RBKS: variants seen among roughly 807,000 people sequenced by gnomAD.
RBKS encodes the protein ribokinase.
Under a neutral mutation model 33.9 loss-of-function variants are expected in RBKS, and 33 were observed. The observed-to-expected ratio is 0.97, with a 90% confidence interval of 0.74 to 1.30. The LOEUF (loss-of-function observed/expected upper bound fraction) is 1.30, where lower values mean the gene tolerates loss of function less well. Ranked by LOEUF, RBKS falls within the 50% of genes most tolerant of loss-of-function variation. The pLI is 0.00. For synonymous variants in RBKS, 125 were observed against 143.0 expected (o/e 0.87, Z 0.90); for missense variants, 361 against 392.6 (o/e 0.92, Z 0.68).
chr2:27,819,064 T>C (rs543965216), intron 7 of RBKS, among the ~76,000 whole-genome samples: 8 of 152,338 alleles, frequency 5.3e-5, no homozygotes, highest in African/African-American at 1.9e-4. Flanking sequence ...CTGAAGCACA[T>C]TCACTTGATT....
At chr2:27,843,944 A>T (rs990994440) in intron 4 of RBKS, among the ~76,000 whole-genome samples, 1 of 152,182 alleles carries the variant, frequency 6.6e-6, no homozygotes, top group Non-Finnish European at 1.5e-5. Flanking sequence ...CGAGCCACAC[A>T]TGGCCATTGA....
chr2:27,792,295 T>G (rs1677545410), intron 7 of RBKS, among the ~76,000 whole-genome samples: 2 of 152,254 alleles, frequency 1.3e-5, no homozygotes, highest in Non-Finnish European at 2.9e-5. Flanking sequence ...CACCACTTAC[T>G]AGCTTTATGA....
intron 7 of RBKS, among the ~76,000 whole-genome samples, chr2:27,821,882 AT>A (rs764165990): frequency 2.6e-5 from 4 of 152,166 alleles, no homozygotes; most frequent in Non-Finnish European, 4.4e-5. Flanking sequence ...AAACCATATT[AT>A]TTTACCCACC....
Position 27,890,026 on chromosome 2 carries a change from C to T in RBKS, c.89+231G>A. On this transcript the variant is annotated intron_variant, in intron 1 of 7. Coordinates refer to ENST00000302188, the MANE Select transcript of RBKS (RefSeq NM_022128.3). The surrounding 1 kb of genome is among the most constrained non-coding windows in gnomAD (Gnocchi z 4.8). ...GGGAGCGCTTTGAGTAATATTAGAG[C>T]TTTCACTAAACCCTGGCCTATTACG... 1 of 468,814 alleles carries T rather than the reference C, an allele frequency of 2.1e-6. No homozygotes were observed. The highest frequency in any genetic ancestry group is 3.8e-6 in the Non-Finnish European group (1 of 260,830). 29.0% of individuals were successfully genotyped at this position (468,814 alleles called of 1,614,324 possible).
Position 27,789,036 on chromosome 2 carries a change from A to G in RBKS, c.796-7248T>C, listed in dbSNP as rs77089549. On this transcript the variant is annotated intron_variant, in intron 7 of 7. Transcript: ENST00000302188. ...AAATGGAAATGACCTAGAATAGCCA[A>G]AACAGTTTTGAAAAAGAACAAAGTT... Among the ~76,000 whole-genome samples, 573 of 152,320 alleles carry G rather than the reference A, an allele frequency of 3.8e-3. 3 individuals carry two copies. Among genetic ancestry groups the G allele is most frequent in the African/African-American group, 0.013 (542 of 41,560 alleles).
intron 5 of RBKS, among the ~76,000 whole-genome samples, chr2:27,834,776 A>C (rs980476694): frequency 3.3e-5 from 5 of 152,224 alleles, no homozygotes; most frequent in Admixed American, 2.6e-4. Context: ...ATTAGAGCAA[A>C]GCTACAAGTG....
chr2:27,794,446 CTCTT>C (rs1677601249), intron 7 of RBKS, among the ~76,000 whole-genome samples: 1 of 151,476 alleles, frequency 6.6e-6, no homozygotes, highest in South Asian at 2.1e-4. Context: ...AATGATTTCT[CTCTT>C]TCTTTTTAAT....
At chr2:27,823,822 GGA>G (rs1364626210) in intron 7 of RBKS, among the ~76,000 whole-genome samples, 1 of 152,172 alleles carries the variant, frequency 6.6e-6, no homozygotes, top group Non-Finnish European at 1.5e-5. Context: ...GCAATTCAGT[GGA>G]GAGTCTTTAT....
intron 7 of RBKS, chr2:27,809,587 T>C (rs141161867): frequency 6.7e-5 from 13 of 193,532 alleles, no homozygotes; most frequent in Middle Eastern, 2.3e-3. Context: ...CTTTTGCCTT[T>C]TGTGGTCAGC....
chr2:27,859,536 T>G (rs768182882), intron 1 of RBKS, among the ~76,000 whole-genome samples: 3 of 152,104 alleles, frequency 2.0e-5, no homozygotes, highest in Admixed American at 1.3e-4. Context: ...AATAAAATAT[T>G]TGAAGGATGG....
intron 7 of RBKS, among the ~76,000 whole-genome samples, chr2:27,789,949 G>GTATATATATATATATATATATGTGTATA (rs1677484796): frequency 1.2e-4 from 14 of 121,512 alleles, no homozygotes; most frequent in African/African-American, 3.3e-4. Context: ...ATGTATATGT[G>GTATATATATATATATATATATGTGTATA]TATATATATA....
chr2:27,813,281 G>GAGTA lies in RBKS; in HGVS notation c.795+14282_795+14285dup, dbSNP rs546021310. 1.9e-3 allele frequency among the ~76,000 whole-genome samples: 283 copies of GAGTA among 152,250 alleles called. 1 individual carries two copies. The highest frequency in any genetic ancestry group is 6.6e-3 in the African/African-American group (274 of 41,550). On this transcript the variant is annotated intron_variant, in intron 7 of 7. Coordinates refer to ENST00000302188, the MANE Select transcript of RBKS (RefSeq NM_022128.3). The stretch of plus-strand genomic sequence containing the variant: ...ATGTGACAAAACAATCTACCATGAA[G>GAGTA]AGTAAGCAGTTAGACATGAAATTAG...
intron 1 of RBKS, among the ~76,000 whole-genome samples, chr2:27,875,889 T>C (rs1413816283): frequency 6.6e-6 from 1 of 151,938 alleles, no homozygotes; most frequent in Non-Finnish European, 1.5e-5. Context: ...TACATACATA[T>C]GGGGATGCAA....
chr2:27,789,923 G>GTATATATATATA (rs1677480219), intron 7 of RBKS, among the ~76,000 whole-genome samples: 7 of 128,074 alleles, frequency 5.5e-5, no homozygotes, highest in African/African-American at 2.0e-4. Flanking sequence ...GTGTTTGTGT[G>GTATATATATATA]TGTATATATA....
intron 7 of RBKS, among the ~76,000 whole-genome samples, chr2:27,790,701 CA>C (rs1051144325): frequency 6.6e-6 from 1 of 152,026 alleles, no homozygotes; most frequent in Non-Finnish European, 1.5e-5. Context: ...TAGGGAAATG[CA>C]AATTCAAAAC....
In RBKS at chr2:27,861,258, G is replaced by A. The variant is rs137923063; in HGVS notation, c.90-2687C>T. ...GCTGGGGTTACAGGCATGAGCCACC[G>A]CGCCCAGCCTCCCTTTGTCTCTTTT... On this transcript the variant is annotated intron_variant, in intron 1 of 7. Transcript: ENST00000302188. Among the ~76,000 whole-genome samples the A allele has an allele frequency of 1.4e-3, 207 of 151,834 alleles. 1 individual carries two copies. The East Asian group carries it at 0.02, about 15-fold the overall frequency.
chr2:27,828,629 C>A (rs1678363512), intron 6 of RBKS, among the ~76,000 whole-genome samples: 1 of 152,198 alleles, frequency 6.6e-6, no homozygotes, highest in Non-Finnish European at 1.5e-5. Context: ...CAATTACAAT[C>A]TGTAAAATCA....
chr2:27,843,814 A>G (rs1346998147), intron 4 of RBKS, among the ~76,000 whole-genome samples: 1 of 152,194 alleles, frequency 6.6e-6, no homozygotes, highest in Non-Finnish European at 1.5e-5. Context: ...AATCTGATAT[A>G]TTCTTATTAC....
intron 2 of RBKS, among the ~76,000 whole-genome samples, chr2:27,852,990 A>G (rs1245898185): frequency 1.3e-5 from 2 of 152,144 alleles, no homozygotes; most frequent in African/African-American, 4.8e-5. Context: ...CTTATAACAA[A>G]ATACATAAGA....
Sources: gnomAD v4.1 joint callset for allele counts (sites outside exome capture counted in the v4.1 genomes callset) on GRCh38, gnomAD v4.1.1 for gene constraint, Gnocchi (gnomAD v3.1) non-coding constraint, MANE v1.5 for transcripts, NCBI Gene and HGNC (gene_info 2026-07-23, HGNC 2026-07-21) for gene names.